Variants in PEAK1 observed in about 807,000 individuals in gnomAD.
PEAK1 encodes the protein pseudopodium enriched atypical kinase 1, also known as inactive tyrosine-protein kinase PEAK1.
Under a neutral mutation model 124.7 loss-of-function variants are expected in PEAK1, and 54 were observed. The observed-to-expected ratio is 0.43, with a 90% confidence interval of 0.35 to 0.54. The LOEUF is 0.54. Ranked by LOEUF, PEAK1 falls within the 20% of genes least tolerant of loss-of-function variation. PEAK1 has a pLI of 0.01. For synonymous variants in PEAK1, 719 were observed against 760.0 expected, an observed-to-expected ratio of 0.95 and a Z score of 0.89; for missense variants, 2,046 against 2,134.5, an observed-to-expected ratio of 0.96 and a Z score of 0.82.
In PEAK1 at chr15:77,323,916, G is replaced by A. The variant is rs114066361; in HGVS notation, c.-602-37412C>T. ...AGGCTACAGTTACCAAAACAATATG[G>A]TACTGGTACCAAAACAGAGATACAG... is the stretch of plus-strand genomic sequence containing the variant. On this transcript the variant is annotated intron_variant, in intron 2 of 9. Coordinates refer to ENST00000682557, the MANE Select transcript of PEAK1 (RefSeq NM_001385026.1). Among the ~76,000 whole-genome samples, 655 of 152,206 alleles carry A rather than the reference G, an allele frequency of 4.3e-3. 1 individual carries two copies. The highest frequency in any genetic ancestry group is 0.013 in the African/African-American group (559 of 41,518).
At chr15:77,343,522 C>G (rs1352429266) in intron 2 of PEAK1, among the ~76,000 whole-genome samples, 1 of 139,522 alleles carries the variant, frequency 7.2e-6, no homozygotes, top group Admixed American at 7.6e-5. Context: ...AGTCTCGCTC[C>G]GTTGCTTAGG....
downstream of PEAK1, chr15:77,105,542 C>T (rs1249083862): frequency 6.6e-6 from 1 of 152,212 alleles, no homozygotes; most frequent in African/African-American, 2.4e-5. Flanking sequence ...GCTGTAATTG[C>T]CTTGAGCTGC....
intron 5 of PEAK1, among the ~76,000 whole-genome samples, chr15:77,268,459 G>A (rs146689127): frequency 2.2e-3 from 334 of 150,972 alleles, no homozygotes; most frequent in Non-Finnish European, 3.6e-3. Flanking sequence ...GGATGACAGA[G>A]CGAGATTCCA....
intron 9 of PEAK1, among the ~76,000 whole-genome samples, chr15:77,125,630 TG>T (rs1268941903): frequency 4.6e-5 from 7 of 152,314 alleles, no homozygotes; most frequent in African/African-American, 1.7e-4. Context: ...AGGCAAGTAA[TG>T]GCAAAGGTAA....
intron 6 of PEAK1, among the ~76,000 whole-genome samples, chr15:77,196,852 T>A (rs984804985): frequency 7.2e-5 from 11 of 152,116 alleles, no homozygotes; most frequent in African/African-American, 2.7e-4. Context: ...AATTAATTAA[T>A]TAATTAACTA....
intron 1 of PEAK1, chr15:77,418,151 T>A (rs1399833959): frequency 1.0e-6 from 1 of 984,506 alleles, no homozygotes; most frequent in Non-Finnish European, 1.2e-6. Context: ...TACTATCAAC[T>A]GGATAAAACG....
intron 2 of PEAK1, among the ~76,000 whole-genome samples, chr15:77,305,683 T>G (rs1012558244): frequency 6.6e-6 from 1 of 152,184 alleles, no homozygotes; most frequent in Non-Finnish European, 1.5e-5. Flanking sequence ...TCTCTCATTA[T>G]CTGTGGGGAA....
chr15:77,194,117 A>C (rs927188028), intron 6 of PEAK1, among the ~76,000 whole-genome samples: 1 of 152,144 alleles, frequency 6.6e-6, no homozygotes, highest in Non-Finnish European at 1.5e-5. Flanking sequence ...GTATCAAAAC[A>C]TTGGCAGACA....
At chr15:77,263,250 G>C (rs546171653) in intron 5 of PEAK1, among the ~76,000 whole-genome samples, 97 of 152,126 alleles carry the variant, frequency 6.4e-4, no homozygotes, top group African/African-American at 2.3e-3. Context: ...AAATAACTAA[G>C]ATCAGAGCAG....
chr15:77,420,721 C>G (rs1052323508), upstream of PEAK1: 4 of 395,870 alleles, frequency 1.0e-5, no homozygotes, highest in African/African-American at 8.2e-5. Context: ...CAAAATAATC[C>G]CTTCATTTTT....
At position 77,286,443 on chromosome 15, in the gene PEAK1, T is replaced by C. The variant is rs1463001299; in HGVS notation, c.-541A>G. On this transcript the variant is annotated 5_prime_UTR_variant, in exon 3 of 10. Coordinates refer to ENST00000682557, the MANE Select transcript of PEAK1 (RefSeq NM_001385026.1). ...CAAACCTGGTTTAATTGGCTCCAAC[T>C]CTGGGCATTATGTTGTTGCTTCCTT... 8.1e-7 allele frequency: 1 copy of C among 1,228,182 alleles called. No individual in the cohort carries two copies. Among genetic ancestry groups the C allele is most frequent in the Admixed American group, 4.2e-5 (1 of 23,714 alleles). 76.1% of individuals were successfully genotyped at this position (1,228,182 alleles called of 1,614,324 possible). A position where few individuals can be genotyped will look rare whatever the true frequency, so the allele number is the denominator to read the frequency against.
chr15:77,291,261 C>T (rs1423084302), intron 2 of PEAK1, among the ~76,000 whole-genome samples: 2 of 152,032 alleles, frequency 1.3e-5, no homozygotes, highest in African/African-American at 2.4e-5. Flanking sequence ...TTTAAAACAC[C>T]CCTACTGATA....
At chr15:77,183,019 G>T (rs570437932) in intron 6 of PEAK1, among the ~76,000 whole-genome samples, 2 of 152,176 alleles carry the variant, frequency 1.3e-5, no homozygotes, top group African/African-American at 4.8e-5. Flanking sequence ...ATAGATGAAG[G>T]GGGGAAGAAG....
intron 2 of PEAK1, among the ~76,000 whole-genome samples, chr15:77,292,446 T>C (rs1233745949): frequency 1.3e-5 from 2 of 152,024 alleles, no homozygotes; most frequent in African/African-American, 4.8e-5. Flanking sequence ...ACACAGCACT[T>C]TGGGACAACA....
At chr15:77,246,326 G>T (rs1322662470) in intron 6 of PEAK1, among the ~76,000 whole-genome samples, 2 of 151,694 alleles carry the variant, frequency 1.3e-5, no homozygotes, top group Non-Finnish European at 2.9e-5. Context: ...CTTTTGATAG[G>T]GATTTTATTC....
At chr15:77,297,090 A>G (rs2063523410) in intron 2 of PEAK1, among the ~76,000 whole-genome samples, 1 of 151,884 alleles carries the variant, frequency 6.6e-6, no homozygotes, top group Admixed American at 6.6e-5. Context: ...CCCAGTTAGG[A>G]TATCAAATTG....
chr15:77,273,633 A>C (rs1015477007), intron 5 of PEAK1, among the ~76,000 whole-genome samples: 6 of 152,204 alleles, frequency 3.9e-5, no homozygotes, highest in African/African-American at 1.4e-4. Context: ...ATTATAGATG[A>C]CAAAACAAAT....
chr15:77,271,795 C>T (rs921461112), intron 5 of PEAK1, among the ~76,000 whole-genome samples: 3 of 151,814 alleles, frequency 2.0e-5, no homozygotes, highest in Admixed American at 1.3e-4. Flanking sequence ...GTGGGAGGAG[C>T]GGGGAGGGAT....
At chr15:77,257,356 G>GT (rs1343592533) in intron 5 of PEAK1, among the ~76,000 whole-genome samples, 1 of 150,200 alleles carries the variant, frequency 6.7e-6, no homozygotes, top group Admixed American at 6.7e-5. Context: ...GTGTAAAAGT[G>GT]TTCCTATTTC....
Sources: allele counts gnomAD v4.1 joint callset (sites outside exome capture counted in the v4.1 genomes callset), GRCh38; gene constraint gnomAD v4.1.1; transcripts MANE v1.5; gene names NCBI Gene and HGNC (gene_info 2026-07-23, HGNC 2026-07-21).